The following CDKAL1 variants were observed in gnomAD, a reference collection of about 807,000 sequenced individuals.
CDKAL1 encodes the protein CDKAL1 threonylcarbamoyladenosine tRNA methylthiotransferase, also known as threonylcarbamoyladenosine tRNA methylthiotransferase.
Under a neutral mutation model 68.2 loss-of-function variants are expected in CDKAL1, and 32 were observed. That is an observed-to-expected ratio of 0.47 (90% confidence interval 0.35 to 0.63). CDKAL1 has a LOEUF of 0.63. CDKAL1 is among the 30% of genes least tolerant of loss of function. CDKAL1 has a pLI of 0.00. For synonymous variants in CDKAL1, 234 were observed against 244.3 expected (o/e 0.96, Z 0.39); for missense variants, 606 against 696.7 (o/e 0.87, Z 1.47).
At chr6:20,730,374 C>A (rs1468310704) in intron 5 of CDKAL1, among the ~76,000 whole-genome samples, 2 of 136,482 alleles carry the variant, frequency 1.5e-5, no homozygotes, top group African/African-American at 5.5e-5. Flanking sequence ...ATAGATGGAG[C>A]CCGACCCGAA....
At chr6:20,713,846 G>C (rs879738508) in intron 5 of CDKAL1, among the ~76,000 whole-genome samples, 7 of 151,998 alleles carry the variant, frequency 4.6e-5, no homozygotes, top group Non-Finnish European at 1.0e-4. Flanking sequence ...TGAAAAATTA[G>C]AGCCACCTAC....
intron 5 of CDKAL1, among the ~76,000 whole-genome samples, chr6:20,686,384 A>T (rs1770624435): frequency 6.6e-6 from 1 of 152,052 alleles, no homozygotes; most frequent in South Asian, 2.1e-4. Flanking sequence ...CTCCTGTCAG[A>T]TCAGGGGCAG....
chr6:20,986,055 C>T (rs1008526300), intron 10 of CDKAL1, among the ~76,000 whole-genome samples: 1 of 152,078 alleles, frequency 6.6e-6, no homozygotes, highest in Admixed American at 6.6e-5. Flanking sequence ...ATTCTTATCT[C>T]TGATTCTCCT....
chr6:21,160,599 A>AT (rs57353051), intron 13 of CDKAL1, among the ~76,000 whole-genome samples: 47 of 134,386 alleles, frequency 3.5e-4, no homozygotes, highest in East Asian at 1.3e-3. Context: ...CCCAGCCAAG[A>AT]TTTTTTTTTT....
chr6:21,117,024 A>G (rs1774446528), intron 13 of CDKAL1, among the ~76,000 whole-genome samples: 1 of 152,118 alleles, frequency 6.6e-6, no homozygotes, highest in Non-Finnish European at 1.5e-5. Flanking sequence ...GTCCCTGGTT[A>G]TCAGTCTTTG....
chr6:20,563,936 A>T (rs1249916735), intron 4 of CDKAL1, among the ~76,000 whole-genome samples: 1 of 152,194 alleles, frequency 6.6e-6, no homozygotes, highest in African/African-American at 2.4e-5. Flanking sequence ...TAATGTTGGA[A>T]TGTAAAAACG....
At chr6:21,202,735 A>G (rs1778741267) in intron 15 of CDKAL1, among the ~76,000 whole-genome samples, 1 of 152,244 alleles carries the variant, frequency 6.6e-6, no homozygotes, top group South Asian at 2.1e-4. Flanking sequence ...TACATAAACA[A>G]GGAAATGTAG....
chr6:21,224,149 C>G (rs1298439364), intron 15 of CDKAL1, among the ~76,000 whole-genome samples: 1 of 152,118 alleles, frequency 6.6e-6, no homozygotes, highest in African/African-American at 2.4e-5. Flanking sequence ...ATGTCCATAT[C>G]CTAATCACCT....
intron 9 of CDKAL1, among the ~76,000 whole-genome samples, chr6:20,907,810 G>T (rs1762297667): frequency 6.6e-6 from 1 of 152,174 alleles, no homozygotes; most frequent in South Asian, 2.1e-4. Flanking sequence ...GGAGGGCCTT[G>T]GGGAGCATGC....
Position 21,198,058 on chromosome 6 carries a change from CTT to C in CDKAL1, c.1340_1341del (p.Phe447Ter). ...CAACAAGTGTTAGTAACAGAAGAAT[CTT>C]TTGATTCCAAGTTTTATGTTGCACA... On this transcript the variant is annotated frameshift_variant, in exon 14 of 16. Coordinates refer to ENST00000274695, the MANE Select transcript of CDKAL1 (RefSeq NM_017774.3). LOFTEE classifies it high-confidence loss of function. 6.2e-7 allele frequency: 1 copy of C among 1,606,718 alleles called. No individual in the cohort carries two copies. The highest frequency in any genetic ancestry group is 1.7e-5 in the Admixed American group (1 of 59,050).
At chr6:21,130,493 G>A (rs1775258558) in intron 13 of CDKAL1, among the ~76,000 whole-genome samples, 1 of 152,140 alleles carries the variant, frequency 6.6e-6, no homozygotes, top group African/African-American at 2.4e-5. Flanking sequence ...CCAAAGTGCT[G>A]GGATTACAGG....
intron 5 of CDKAL1, among the ~76,000 whole-genome samples, chr6:20,725,203 G>A (rs1307892501): frequency 6.6e-6 from 1 of 151,692 alleles, no homozygotes; most frequent in Non-Finnish European, 1.5e-5. Context: ...TGTGAGTAGA[G>A]TATCAGGATA....
chr6:20,835,914 AATCTGCTGGT>A (rs1429316366), intron 8 of CDKAL1, among the ~76,000 whole-genome samples: 1 of 152,070 alleles, frequency 6.6e-6, no homozygotes, highest in African/African-American at 2.4e-5. Flanking sequence ...CGGCACCAAG[AATCTGCTGGT>A]TGTGCTTATC....
At chr6:20,878,940 A>T (rs1007053050) in intron 9 of CDKAL1, among the ~76,000 whole-genome samples, 1 of 150,192 alleles carries the variant, frequency 6.7e-6, no homozygotes, top group African/African-American at 2.5e-5. Context: ...TTAGTCAGGC[A>T]TGGTGGCGGG....
chr6:20,896,677 G>T (rs1458528600), intron 9 of CDKAL1, among the ~76,000 whole-genome samples: 2 of 151,940 alleles, frequency 1.3e-5, no homozygotes, highest in Admixed American at 1.3e-4. Flanking sequence ...AAATTAATGT[G>T]GTTCATTCAC....
At chr6:20,735,863 T>G (rs1257633570) in intron 5 of CDKAL1, among the ~76,000 whole-genome samples, 5 of 152,216 alleles carry the variant, frequency 3.3e-5, no homozygotes, top group Admixed American at 6.5e-5. Context: ...TCACCTATTA[T>G]TTTTGATCCT....
chr6:20,746,229 C>T (rs1773658858), intron 6 of CDKAL1, among the ~76,000 whole-genome samples: 1 of 152,158 alleles, frequency 6.6e-6, no homozygotes, highest in Non-Finnish European at 1.5e-5. Flanking sequence ...GTATTAGTCA[C>T]TCACTGGTAC....
At chr6:21,045,797 A>T (rs1169346742) in intron 11 of CDKAL1, among the ~76,000 whole-genome samples, 2 of 152,210 alleles carry the variant, frequency 1.3e-5, no homozygotes, top group Admixed American at 1.3e-4. Flanking sequence ...TGCTGAGAAA[A>T]TAACTTCATG....
intron 4 of CDKAL1, among the ~76,000 whole-genome samples, chr6:20,633,314 C>T (rs1005172569): frequency 6.6e-6 from 1 of 152,170 alleles, no homozygotes; most frequent in Non-Finnish European, 1.5e-5. Flanking sequence ...TGCCTGACCT[C>T]TTTCACTTAC....
Sources: gnomAD v4.1 joint callset for allele counts (sites outside exome capture counted in the v4.1 genomes callset) on GRCh38, gnomAD v4.1.1 for gene constraint, MANE v1.5 for transcripts, NCBI Gene and HGNC (gene_info 2026-07-23, HGNC 2026-07-21) for gene names.